CAST: variants seen among roughly 807,000 people sequenced by gnomAD.
The protein encoded by CAST is calpastatin, also known as MIR583 host.
In CAST, 76 loss-of-function variants were observed where a neutral mutation model predicts 119.6. That is an observed-to-expected ratio of 0.64 (90% CI 0.53 to 0.77). The LOEUF (loss-of-function observed/expected upper bound fraction) is 0.77. Among genes scored for constraint, CAST ranks in the 30% least tolerant of loss-of-function variants. CAST has a pLI of 0.00. For missense variants in CAST, 953 were observed against 946.5 expected, an observed-to-expected ratio of 1.01 and a Z score of -0.09; for synonymous variants, 319 against 331.6, an observed-to-expected ratio of 0.96 and a Z score of 0.41.
At chr5:96,446,983 A>G in the CAST span, among the ~76,000 whole-genome samples, 1 of 152,216 alleles carries the variant, frequency 6.6e-6, no homozygotes, top group East Asian at 1.9e-4. Flanking sequence ...CAACAAACAG[A>G]AAATCACAAG....
At chr5:96,672,229 GTCTC>G (rs139068540) in intron 1 of CAST, among the ~76,000 whole-genome samples, 14 of 149,852 alleles carry the variant, frequency 9.3e-5, no homozygotes, top group South Asian at 6.3e-4. Flanking sequence ...CTCTCTCTCT[GTCTC>G]TCTCTCTCTC....
At position 96,740,906 on chromosome 5, in the gene CAST, TTC is replaced by T. The variant is rs1424221082; in HGVS notation, c.918+125_918+126del. 5 of 701,750 alleles carry T rather than the reference TTC, an allele frequency of 7.1e-6. No individual in the cohort carries two copies. The African/African-American group carries it at 7.1e-5, about 10-fold the overall frequency. 43.5% of individuals were successfully genotyped at this position (701,750 alleles called of 1,614,324 possible). A position where few individuals can be genotyped will look rare whatever the true frequency, so the allele number is the denominator to read the frequency against. Reference sequence around the variant, plus strand: ...AACTCATCTCCAAATCAAATGGAGTTTCTGTGTGTTCAGAGAAAGGGGTTGGT... The same window carrying T: ...AACTCATCTCCAAATCAAATGGAGTTTGTGTGTTCAGAGAAAGGGGTTGGT... On this transcript the variant is annotated intron_variant, in intron 13 of 31. Coordinates refer to ENST00000675179, the MANE Select transcript of CAST (RefSeq NM_001750.7).
At chr5:96,704,728 C>A (rs564600377) in intron 3 of CAST, among the ~76,000 whole-genome samples, 3 of 152,130 alleles carry the variant, frequency 2.0e-5, no homozygotes, top group Non-Finnish European at 4.4e-5. Context: ...TGTGTCTAAC[C>A]TCATAAGAAC....
the CAST span, among the ~76,000 whole-genome samples, chr5:96,238,716 A>G: frequency 6.6e-6 from 1 of 151,974 alleles, no homozygotes; most frequent in Non-Finnish European, 1.5e-5. Context: ...TTCATTTTTA[A>G]TAGCTGCATA....
the CAST span, among the ~76,000 whole-genome samples, chr5:96,457,201 C>G: frequency 6.6e-6 from 1 of 152,142 alleles, no homozygotes; most frequent in African/African-American, 2.4e-5. Flanking sequence ...CTGACTAATT[C>G]TTAGATCTCT....
chr5:96,645,488 T>C (rs913614359), intron 1 of CAST, among the ~76,000 whole-genome samples: 2 of 152,210 alleles, frequency 1.3e-5, no homozygotes, highest in African/African-American at 4.8e-5. Context: ...TTTATTCGTT[T>C]CAAACATAAT....
the CAST span, among the ~76,000 whole-genome samples, chr5:96,012,952 A>T: frequency 3.2e-4 from 48 of 152,310 alleles, no homozygotes; most frequent in African/African-American, 1.1e-3. Flanking sequence ...AGTAAGATGC[A>T]GAGTTATTCC....
At chr5:96,592,825 C>G (rs1007416489) in intron 1 of CAST, among the ~76,000 whole-genome samples, 1 of 151,686 alleles carries the variant, frequency 6.6e-6, no homozygotes, top group African/African-American at 2.4e-5. Flanking sequence ...AGTGCAGTGC[C>G]GTGATCTCTG....
the CAST span, among the ~76,000 whole-genome samples, chr5:96,486,363 A>G: frequency 6.6e-6 from 1 of 152,170 alleles, no homozygotes; most frequent in African/African-American, 2.4e-5. Context: ...CAGATCTAGA[A>G]ACAGTTGTCA....
At chr5:96,547,327 C>G (rs1746036979) in intron 1 of CAST, among the ~76,000 whole-genome samples, 1 of 152,106 alleles carries the variant, frequency 6.6e-6, no homozygotes, top group African/African-American at 2.4e-5. Flanking sequence ...TGGTATAACT[C>G]CCAGTTCCAG....
chr5:96,035,879 T>C, the CAST span, among the ~76,000 whole-genome samples: 134 of 152,084 alleles, frequency 8.8e-4, no homozygotes, highest in African/African-American at 3.0e-3. Context: ...TAGGACCTCT[T>C]AATATGGAAG....
chr5:96,207,561 T>C, the CAST span, among the ~76,000 whole-genome samples: 1 of 152,114 alleles, frequency 6.6e-6, no homozygotes, highest in Admixed American at 6.6e-5. Flanking sequence ...GAGATGATCA[T>C]GTGGTTTTTG....
chr5:96,288,903 A>T, the CAST span, among the ~76,000 whole-genome samples: 1 of 152,098 alleles, frequency 6.6e-6, no homozygotes, highest in African/African-American at 2.4e-5. Context: ...ATGAAAAATG[A>T]AGGCTTCTGA....
chr5:96,710,571 C>T lies in CAST; in HGVS notation c.211-12068C>T, dbSNP rs115071772. The stretch of plus-strand genomic sequence containing the variant: ...CCAGGACCATTTCTACCCGTTATGT[C>T]AAGAACCACTGAGCTACAGTGTTAA... On this transcript the variant is annotated intron_variant, in intron 3 of 31. Transcript: ENST00000675179. 1.2e-3 allele frequency among the ~76,000 whole-genome samples: 181 copies of T among 152,222 alleles called. 1 individual carries two copies. The highest frequency in any genetic ancestry group is 4.1e-3 in the African/African-American group (172 of 41,554).
At chr5:96,462,256 C>T in the CAST span, among the ~76,000 whole-genome samples, 1 of 152,124 alleles carries the variant, frequency 6.6e-6, no homozygotes, top group South Asian at 2.1e-4. Flanking sequence ...CTGGGAACCA[C>T]TTGTGTTTTG....
chr5:96,104,752 T>C, the CAST span, among the ~76,000 whole-genome samples: 398 of 134,778 alleles, frequency 3.0e-3, 4 homozygotes, highest in African/African-American at 0.011. Context: ...TTTAAAGTAG[T>C]TTTTTCCAAT....
chr5:96,263,134 G>A, the CAST span, among the ~76,000 whole-genome samples: 85 of 152,266 alleles, frequency 5.6e-4, no homozygotes, highest in African/African-American at 2.0e-3. Context: ...TGAATTTCTT[G>A]CAGTAGGGTA....
intron 1 of CAST, among the ~76,000 whole-genome samples, chr5:96,628,618 A>G (rs991190587): frequency 2.0e-5 from 3 of 152,124 alleles, no homozygotes; most frequent in African/African-American, 7.2e-5. Flanking sequence ...TGCTAGCTAT[A>G]AGGTCCTTAA....
intron 16 of CAST, chr5:96,743,684 G>A (rs1763157993): frequency 5.6e-6 from 9 of 1,613,322 alleles, no homozygotes; most frequent in South Asian, 5.5e-5. Flanking sequence ...AGTGTGGCAC[G>A]ATAAGCTTTG....
Sources: gnomAD v4.1 joint callset for allele counts (sites outside exome capture counted in the v4.1 genomes callset) on GRCh38, gnomAD v4.1.1 for gene constraint, MANE v1.5 for transcripts, NCBI Gene and HGNC (gene_info 2026-07-23, HGNC 2026-07-21) for gene names.